RNF126: variants seen among roughly 807,000 people sequenced by gnomAD.
The protein encoded by RNF126 is E3 ubiquitin-protein ligase RNF126.
A neutral mutation model predicts 41.9 loss-of-function variants in RNF126; 20 were observed. That is an observed-to-expected ratio of 0.48 (90% CI 0.34 to 0.69). The LOEUF (loss-of-function observed/expected upper bound fraction) is 0.69, where lower values mean the gene tolerates loss of function less well. Ranked by LOEUF, RNF126 falls within the 30% of genes least tolerant of loss-of-function variation. The probability of loss-of-function intolerance (pLI) is 0.01; values close to 1 mark genes in which losing one functional copy is unlikely to be tolerated. For synonymous variants in RNF126, 239 were observed against 202.9 expected (o/e 1.18, Z -1.51); for missense variants, 433 against 460.6 (o/e 0.94, Z 0.55).
chr19:657,756 C>T (rs1488891065), intron 1 of RNF126, among the ~76,000 whole-genome samples: 1 of 152,216 alleles, frequency 6.6e-6, no homozygotes, highest in Non-Finnish European at 1.5e-5. Flanking sequence ...GCCAGCCCCT[C>T]CAGGGCCACC....
chr19:652,786 G>A (rs202094517), intron 2 of RNF126, 40 bp downstream of exon 2: 365 of 1,595,224 alleles, frequency 2.3e-4, no homozygotes, highest in African/African-American at 2.9e-4. Flanking sequence ...GCTGAGGCCC[G>A]GCTGGCTCTT....
At chr19:658,998 C>T (rs190169148) in intron 1 of RNF126, among the ~76,000 whole-genome samples, 5 of 152,342 alleles carry the variant, frequency 3.3e-5, no homozygotes, top group Admixed American at 1.3e-4. Context: ...CCGACATCCA[C>T]AGGTTCCCGG....
chr19:652,081 C>A, intron 3 of RNF126, 152 bp downstream of exon 3: 1 of 731,046 alleles, frequency 1.4e-6, no homozygotes, highest in East Asian at 3.1e-5. Flanking sequence ...GCAGCGTGGG[C>A]CGCCCCAATC....
At chr19:662,471 G>A (rs1172774113) in intron 1 of RNF126, among the ~76,000 whole-genome samples, 1 of 152,170 alleles carries the variant, frequency 6.6e-6, no homozygotes, top group Non-Finnish European at 1.5e-5. Flanking sequence ...TCGGACCCCG[G>A]GACAGTGCCT....
chr19:654,898 C>T (rs993887110), intron 1 of RNF126, among the ~76,000 whole-genome samples: 3 of 151,096 alleles, frequency 2.0e-5, no homozygotes, highest in African/African-American at 4.9e-5. Flanking sequence ...ACCTAGGAGG[C>T]GGAGGCTGCA....
At chr19:655,571 A>AGTG in intron 1 of RNF126, among the ~76,000 whole-genome samples, 1 of 152,074 alleles carries the variant, frequency 6.6e-6, no homozygotes, top group Admixed American at 6.6e-5. Context: ...GGCCAGCCCC[A>AGTG]GCGAGATGCC....
intron 1 of RNF126, among the ~76,000 whole-genome samples, chr19:654,359 C>T (rs887319224): frequency 5.3e-5 from 8 of 152,352 alleles, no homozygotes; most frequent in Admixed American, 2.0e-4. Flanking sequence ...GCTCCGCCAT[C>T]ACCGGGGGCG....
chr19:660,565 C>T (rs907410147), intron 1 of RNF126, among the ~76,000 whole-genome samples: 3 of 152,204 alleles, frequency 2.0e-5, no homozygotes, highest in Non-Finnish European at 4.4e-5. Context: ...TGGGGACTTT[C>T]CCCATTGCCA....
intron 1 of RNF126, 28 bp from the exon 2 acceptor site, chr19:652,912 A>G (rs746006596): frequency 6.2e-7 from 1 of 1,605,470 alleles, no homozygotes; most frequent in Non-Finnish European, 8.5e-7. Context: ...AGGCCGGGTC[A>G]CGGTGACGCC....
At chr19:654,642 CAAAAAAAAAAAAAAAAAAAAAAAAA>C (rs56141012) in intron 1 of RNF126, among the ~76,000 whole-genome samples, 1 of 24,610 alleles carries the variant, frequency 4.1e-5, no homozygotes, top group Non-Finnish European at 7.4e-5. Flanking sequence ...GACTCCGTCT[CAAAAAAAAAAAAAAAAAAAAAAAAA>C]AAAAAAAAAA....
intron 1 of RNF126, among the ~76,000 whole-genome samples, chr19:655,950 G>A (rs902221516): frequency 2.0e-5 from 3 of 152,060 alleles, no homozygotes; most frequent in Non-Finnish European, 2.9e-5. Context: ...AGAAGACCAC[G>A]CAGCGTGTGA....
At chr19:654,635 T>A (rs1228145705) in intron 1 of RNF126, among the ~76,000 whole-genome samples, 1 of 83,564 alleles carries the variant, frequency 1.2e-5, no homozygotes, top group African/African-American at 5.0e-5. Flanking sequence ...GGAGCAAGAC[T>A]CCGTCTCAAA....
chr19:649,086 C>T (rs1360829064), intron 6 of RNF126, 111 bp from the exon 7 acceptor site: 23 of 500,366 alleles, frequency 4.6e-5, no homozygotes, highest in Non-Finnish European at 6.5e-5. Flanking sequence ...TTGTCCTGGG[C>T]CCTGGGCCCC....
In RNF126 at chr19:663,151, C is replaced by T. The variant is rs1054876965; in HGVS notation, c.-30G>A. ...GCCGCCACCTACTCCGCGCCGCCCGCCCCCCGCGCGGCACCCGCCGCCGGC... is the reference window on the plus strand; with the variant it reads ...GCCGCCACCTACTCCGCGCCGCCCGTCCCCCGCGCGGCACCCGCCGCCGGC... On this transcript the variant is annotated 5_prime_UTR_variant, in exon 1 of 9. Transcript: ENST00000292363. 4.4e-6 allele frequency: 5 copies of T among 1,134,648 alleles called. No individual in the cohort carries two copies. The highest frequency in any genetic ancestry group is 5.5e-6 in the Non-Finnish European group (5 of 914,394). The allele number at this position is 1,134,648 out of a possible 1,614,324, so 70.3% of individuals were successfully genotyped here. A position where few individuals can be genotyped will look rare whatever the true frequency, so the allele number is the denominator to read the frequency against.
chr19:657,856 G>A (rs907352398), intron 1 of RNF126, among the ~76,000 whole-genome samples: 7 of 152,164 alleles, frequency 4.6e-5, no homozygotes, highest in Non-Finnish European at 7.4e-5. Flanking sequence ...GCTGGCCGAC[G>A]GTGGGAGGGG....
intron 4 of RNF126, chr19:650,548 G>C (rs1032796126): frequency 2.9e-6 from 1 of 344,894 alleles, no homozygotes; most frequent in African/African-American, 2.2e-5. Context: ...CTCCCAAGTA[G>C]CTGGGACCAC....
At position 648,325 on chromosome 19, in the gene RNF126, G is replaced by C. The variant is rs199971166; in HGVS notation, c.786+47C>G. On this transcript the variant is annotated intron_variant, in intron 8 of 8. Coordinates refer to ENST00000292363, the MANE Select transcript of RNF126 (RefSeq NM_194460.3). ...ACGGGAGAAGGGGCAGGTTAGAGGC[G>C]GGAGGGCCGCGGTCGGGGTGGGGGG... is the stretch of plus-strand genomic sequence containing the variant. The C allele has an allele frequency of 1.7e-5, 26 of 1,529,542 alleles. No individual in the cohort carries two copies. In the East Asian group the frequency reaches 5.2e-4, roughly 30 times the overall value. The allele number at this position is 1,529,542 out of a possible 1,614,324, so 94.7% of individuals were successfully genotyped here.
rs557196978 is a variant in RNF126 at position 657,389 on chromosome 19, C to T, written c.76-4505G>A. ...CGCATGCTCCCGCCACCCGCACTGC[C>T]GGCTCACGACAGCCCGACCTGGCCA... On this transcript the variant is annotated intron_variant, in intron 1 of 8. Coordinates refer to ENST00000292363, the MANE Select transcript of RNF126 (RefSeq NM_194460.3). Among the ~76,000 whole-genome samples the T allele has an allele frequency of 7.9e-5, 12 of 152,338 alleles. 1 individual carries two copies. Among genetic ancestry groups the T allele is most frequent in the South Asian group, 2.1e-4 (1 of 4,832 alleles).
Position 649,742 on chromosome 19 carries a change from G to A in RNF126, c.513C>T (p.Val171=), listed in dbSNP as rs1226793291. ...CGTAGTCCATAGGGTTTGAGTGCAG[G>A]ACTCCCCTGGAGGTGGAAGGTGGGG... ...ATIPSLGPWG[V]LHSNPMDYAW... The change falls in exon 6 of 9, where the codon GTC becomes GTT. Residue 171 remains valine, a synonymous_variant. Transcript: ENST00000292363. 6 of 1,564,560 alleles carry A rather than the reference G, an allele frequency of 3.8e-6. No homozygotes were observed. Among genetic ancestry groups the A allele is most frequent in the Non-Finnish European group, 5.2e-6 (6 of 1,153,188 alleles).
Sources: gnomAD v4.1 joint callset for allele counts (sites outside exome capture counted in the v4.1 genomes callset) on GRCh38, gnomAD v4.1.1 for gene constraint, MANE v1.5 for transcripts, NCBI Gene and HGNC (gene_info 2026-07-23, HGNC 2026-07-21) for gene names.